Variants in LAMA2 observed in about 807,000 individuals in gnomAD.
The protein encoded by LAMA2 is laminin subunit alpha-2.
In LAMA2, 269 loss-of-function variants were observed where a neutral mutation model predicts 364.8. The observed-to-expected ratio is 0.74, with a 90% CI of 0.67 to 0.82. LAMA2 has a LOEUF of 0.82. Ranked by LOEUF, LAMA2 falls within the 40% of genes least tolerant of loss-of-function variation. LAMA2 has a pLI of 0.00. For synonymous variants in LAMA2, 1,379 were observed against 1,370.6 expected, an observed-to-expected ratio of 1.01 and a Z score of -0.14; for missense variants, 3,807 against 3,873.2, an observed-to-expected ratio of 0.98 and a Z score of 0.45.
At chr6:129,400,310 G>A (rs558831766) in intron 37 of LAMA2, among the ~76,000 whole-genome samples, 1 of 152,306 alleles carries the variant, frequency 6.6e-6, no homozygotes, top group African/African-American at 2.4e-5. Flanking sequence ...AGGGGACACA[G>A]ACATTCAGGC....
Position 129,251,058 on chromosome 6 carries a change from CTCTCTCTCTCTCTCTCTCTATATATA to C in LAMA2, c.1884+847_1884+872del, listed in dbSNP as rs1562379094. ...TCTCTCTTTCTCTCTCTCTCTCTCT[CTCTCTCTCTCTCTCTCTCTATATATA>C]TATATATATATATATATATATGGCA... On this transcript the variant is annotated intron_variant, in intron 13 of 64. Transcript: ENST00000421865. 2.0e-4 allele frequency among the ~76,000 whole-genome samples: 14 copies of C among 71,166 alleles called. No homozygotes were observed. In the East Asian group the frequency reaches 5.3e-3, roughly 27 times the overall value. 46.7% of individuals were successfully genotyped at this position (71,166 alleles called of 152,430 possible).
At chr6:128,910,455 A>C (rs1489139561) in intron 1 of LAMA2, among the ~76,000 whole-genome samples, 4 of 151,688 alleles carry the variant, frequency 2.6e-5, no homozygotes, top group African/African-American at 9.7e-5. Context: ...TGCATTCTTC[A>C]CGTAGTTCTC....
chr6:129,047,189 G>C (rs919504243), intron 1 of LAMA2, among the ~76,000 whole-genome samples: 1 of 151,144 alleles, frequency 6.6e-6, no homozygotes, highest in African/African-American at 2.4e-5. Context: ...TCATGGAAAA[G>C]ATAAAAAAAA....
At chr6:129,119,843 C>T (rs1456283206) in intron 4 of LAMA2, among the ~76,000 whole-genome samples, 4 of 152,188 alleles carry the variant, frequency 2.6e-5, no homozygotes, top group South Asian at 2.1e-4. Context: ...CCACTGCTCC[C>T]GGCCCACATT....
chr6:128,949,954 C>A (rs1231346657), intron 1 of LAMA2, among the ~76,000 whole-genome samples: 2 of 152,100 alleles, frequency 1.3e-5, no homozygotes, highest in Non-Finnish European at 2.9e-5. Flanking sequence ...TACCAAAAAA[C>A]CCCTAAATAT....
At chr6:128,947,521 A>C (rs1296446651) in intron 1 of LAMA2, among the ~76,000 whole-genome samples, 1 of 152,254 alleles carries the variant, frequency 6.6e-6, no homozygotes, top group Non-Finnish European at 1.5e-5. Context: ...ATGTGAATAT[A>C]ATACATAGGA....
At chr6:129,081,186 C>T (rs548214609) in intron 3 of LAMA2, among the ~76,000 whole-genome samples, 7 of 149,458 alleles carry the variant, frequency 4.7e-5, no homozygotes, top group South Asian at 2.1e-4. Context: ...AGGTGGGAAA[C>T]GAACAATGAG....
At chr6:129,035,925 C>G (rs1300854109) in intron 1 of LAMA2, among the ~76,000 whole-genome samples, 2 of 152,040 alleles carry the variant, frequency 1.3e-5, no homozygotes, top group Non-Finnish European at 2.9e-5. Flanking sequence ...TGTGATGCCC[C>G]CAGCGTTGAT....
intron 18 of LAMA2, among the ~76,000 whole-genome samples, chr6:129,286,826 TATATAATAATATATAATATATTATATA>T (rs1789249036): frequency 5.0e-4 from 1 of 2,016 alleles, no homozygotes; most frequent in African/African-American, 1.5e-3. Context: ...TATTATATAA[TATATAATAATATATAATATATTATATA>T]ATATATAATA....
chr6:129,072,926 C>G lies in LAMA2; in HGVS notation c.396+13030C>G, dbSNP rs561368512. Among the ~76,000 whole-genome samples, 15 of 152,122 alleles carry G rather than the reference C, an allele frequency of 9.9e-5. No individual in the cohort carries two copies. The South Asian group carries it at 1.2e-3, about 13-fold the overall frequency. Reference sequence around the variant, plus strand: ...TGCAGTTTTCATCTAATTTTAAACACCTTTAACTTTTTTGTTTATTTTTTG... The same window carrying G: ...TGCAGTTTTCATCTAATTTTAAACAGCTTTAACTTTTTTGTTTATTTTTTG... On this transcript the variant is annotated intron_variant, in intron 3 of 64. Transcript: ENST00000421865.
chr6:129,269,935 C>A (rs4897307), intron 16 of LAMA2, among the ~76,000 whole-genome samples: 85,689 of 151,924 alleles, frequency 0.56, 27,869 homozygotes, highest in Non-Finnish European at 0.74. Flanking sequence ...TAGAGAAAAG[C>A]CTGTTTTCAA....
At chr6:129,348,375 A>C (rs1776675675) in intron 30 of LAMA2, among the ~76,000 whole-genome samples, 1 of 152,190 alleles carries the variant, frequency 6.6e-6, no homozygotes, top group Admixed American at 6.5e-5. Flanking sequence ...GATTTAGTGA[A>C]GCAGCAAAAA....
At chr6:129,328,061 G>C (rs984488860) in intron 28 of LAMA2, among the ~76,000 whole-genome samples, 7 of 152,092 alleles carry the variant, frequency 4.6e-5, no homozygotes, top group African/African-American at 1.7e-4. Context: ...GCTTTCCTTG[G>C]TTAAAATCTG....
intron 58 of LAMA2, among the ~76,000 whole-genome samples, chr6:129,498,724 ATTGT>A (rs1176367294): frequency 6.6e-6 from 1 of 152,230 alleles, no homozygotes; most frequent in Non-Finnish European, 1.5e-5. Flanking sequence ...ATGATGATTC[ATTGT>A]TTGGTGCTTT....
chr6:129,147,281 T>TTC (rs57066084), intron 6 of LAMA2, among the ~76,000 whole-genome samples: 13 of 150,490 alleles, frequency 8.6e-5, no homozygotes, highest in African/African-American at 3.2e-4. Context: ...TTTTTTTTTT[T>TTC]CAAAAAGGCT....
chr6:128,994,109 T>G (rs1399291396), intron 1 of LAMA2, among the ~76,000 whole-genome samples: 1 of 152,214 alleles, frequency 6.6e-6, no homozygotes, highest in Non-Finnish European at 1.5e-5. Flanking sequence ...TGCTGAAAAT[T>G]GATGGTCTAA....
At chr6:129,060,200 CAAA>C (rs1788800150) in intron 3 of LAMA2, among the ~76,000 whole-genome samples, 1 of 152,252 alleles carries the variant, frequency 6.6e-6, no homozygotes, top group Admixed American at 6.5e-5. Flanking sequence ...TTTTACATAA[CAAA>C]AATATAATAG....
intron 1 of LAMA2, among the ~76,000 whole-genome samples, chr6:129,015,996 T>G (rs2114704647): frequency 6.6e-6 from 1 of 152,154 alleles, no homozygotes; most frequent in South Asian, 2.1e-4. Context: ...GCCTGTCATC[T>G]GCATGGCATA....
chr6:129,086,095 C>T (rs150997385), intron 3 of LAMA2, among the ~76,000 whole-genome samples: 600 of 152,334 alleles, frequency 3.9e-3, no homozygotes, highest in Middle Eastern at 0.014. Flanking sequence ...ACCAGCTTGA[C>T]AAACTGTTGG....
Sources: gnomAD v4.1 joint callset for allele counts (sites outside exome capture counted in the v4.1 genomes callset) on GRCh38, gnomAD v4.1.1 for gene constraint, MANE v1.5 for transcripts, NCBI Gene and HGNC (gene_info 2026-07-23, HGNC 2026-07-21) for gene names.